The following ZFHX3 variants were observed in gnomAD, a reference collection of about 807,000 sequenced individuals.
The protein encoded by ZFHX3 is zinc finger homeobox protein 3.
A neutral mutation model predicts 279.1 loss-of-function variants in ZFHX3; 42 were observed. That is an observed-to-expected ratio of 0.15 (90% confidence interval 0.12 to 0.19). The LOEUF is 0.19. Among genes scored for constraint, ZFHX3 ranks in the 10% least tolerant of loss-of-function variants. The probability of loss-of-function intolerance (pLI) is 1.00; values close to 1 mark genes in which losing one functional copy is unlikely to be tolerated. For synonymous variants in ZFHX3, 2,293 were observed against 1,957.8 expected, an observed-to-expected ratio of 1.17 and a Z score of -4.52; for missense variants, 4,981 against 4,754.0, an observed-to-expected ratio of 1.05 and a Z score of -1.40.
At chr16:73,097,028 C>G (rs1313914899) in intron 7 of ZFHX3, among the ~76,000 whole-genome samples, 1 of 151,916 alleles carries the variant, frequency 6.6e-6, no homozygotes, top group Non-Finnish European at 1.5e-5. Flanking sequence ...CTTCTCTTCT[C>G]TTTCTCTGTC....
At chr16:73,055,701 C>T (rs1965537922) in intron 1 of ZFHX3, among the ~76,000 whole-genome samples, 1 of 93,006 alleles carries the variant, frequency 1.1e-5, no homozygotes, top group Non-Finnish European at 3.2e-5. Flanking sequence ...CGCGCGCGCA[C>T]ACACACACAC....
chr16:73,873,515 G>A (rs981852224), intron 1 of ZFHX3, among the ~76,000 whole-genome samples: 1 of 152,086 alleles, frequency 6.6e-6, no homozygotes, highest in African/African-American at 2.4e-5. Context: ...CACACCAATG[G>A]CTCAGAAATG....
intron 3 of ZFHX3, among the ~76,000 whole-genome samples, chr16:72,940,816 G>C (rs1248289962): frequency 1.3e-5 from 2 of 152,228 alleles, no homozygotes; most frequent in Non-Finnish European, 2.9e-5. Flanking sequence ...ACTATCAGTA[G>C]ATAAACATTT....
chr16:73,089,910 G>A (rs1188041453), intron 8 of ZFHX3, among the ~76,000 whole-genome samples: 1 of 152,198 alleles, frequency 6.6e-6, no homozygotes, highest in Non-Finnish European at 1.5e-5. Context: ...TGGCCCCCAA[G>A]CTCATCTCCA....
chr16:73,670,133 C>G (rs949978154), intron 2 of ZFHX3, among the ~76,000 whole-genome samples: 32 of 152,328 alleles, frequency 2.1e-4, no homozygotes, highest in Admixed American at 2.0e-3. Context: ...CAGACCAACA[C>G]TGCACTGCTA....
intron 3 of ZFHX3, among the ~76,000 whole-genome samples, chr16:73,324,580 T>C (rs1357882840): frequency 2.0e-5 from 3 of 152,270 alleles, no homozygotes; most frequent in South Asian, 2.1e-4. Context: ...AATGCAATGA[T>C]GAAAGTGGGT....
chr16:73,347,606 C>T (rs1302652350), intron 3 of ZFHX3, among the ~76,000 whole-genome samples: 1 of 152,232 alleles, frequency 6.6e-6, no homozygotes, highest in Non-Finnish European at 1.5e-5. Flanking sequence ...TTGGAGCTAT[C>T]AGCTGTGTTT....
At chr16:73,584,465 T>A (rs1424356917) in intron 2 of ZFHX3, among the ~76,000 whole-genome samples, 1 of 152,038 alleles carries the variant, frequency 6.6e-6, no homozygotes, top group East Asian at 1.9e-4. Flanking sequence ...GCCCACAGAA[T>A]AAAATCAGCA....
At chr16:73,018,991 G>C (rs1445189662) in intron 1 of ZFHX3, among the ~76,000 whole-genome samples, 3 of 152,154 alleles carry the variant, frequency 2.0e-5, no homozygotes, top group Admixed American at 6.5e-5. Context: ...GAGCTCCGCT[G>C]TATCACACAC....
At chr16:73,858,556 T>C (rs1961800068) in intron 1 of ZFHX3, among the ~76,000 whole-genome samples, 2 of 152,238 alleles carry the variant, frequency 1.3e-5, no homozygotes, top group South Asian at 4.1e-4. Context: ...CATGAAATAT[T>C]GCCACACATT....
At chr16:73,821,671 G>C (rs540266096) in intron 1 of ZFHX3, among the ~76,000 whole-genome samples, 1 of 152,350 alleles carries the variant, frequency 6.6e-6, no homozygotes, top group East Asian at 1.9e-4. Context: ...GAGGAAGCTA[G>C]ATTGTGAAGT....
At chr16:73,118,849 C>A (rs1373096183) in intron 7 of ZFHX3, among the ~76,000 whole-genome samples, 1 of 152,178 alleles carries the variant, frequency 6.6e-6, no homozygotes, top group African/African-American at 2.4e-5. Flanking sequence ...TGCTACCCAG[C>A]ACCCATGTAA....
chr16:73,806,825 T>C (rs1033707396), intron 1 of ZFHX3, among the ~76,000 whole-genome samples: 4 of 152,200 alleles, frequency 2.6e-5, no homozygotes, highest in Admixed American at 2.6e-4. Flanking sequence ...CCAAGCCCTC[T>C]CCAGCTTTGG....
At chr16:73,736,139 A>G (rs1282338200) in intron 1 of ZFHX3, among the ~76,000 whole-genome samples, 1 of 152,184 alleles carries the variant, frequency 6.6e-6, no homozygotes, top group Non-Finnish European at 1.5e-5. Context: ...TTGAGGTCAG[A>G]AATGGTCAGA....
intron 2 of ZFHX3, among the ~76,000 whole-genome samples, chr16:73,590,048 T>C (rs1167675241): frequency 1.3e-5 from 2 of 152,154 alleles, no homozygotes; most frequent in Non-Finnish European, 2.9e-5. Flanking sequence ...GCTGAGACTT[T>C]TGTACACATA....
Position 72,794,759 on chromosome 16 carries a change from G to A in ZFHX3, c.7923C>T (p.Asp2641=), listed in dbSNP as rs148910628. The A allele has an allele frequency of 4.3e-6, 7 of 1,614,222 alleles. No homozygotes were observed. The highest frequency in any genetic ancestry group is 5.9e-6 in the Non-Finnish European group (7 of 1,180,052). The change falls in exon 9 of 10, where the codon GAC becomes GAT. Residue 2641 remains aspartate (D), a synonymous_variant. Coordinates refer to ENST00000268489, the MANE Select transcript of ZFHX3 (RefSeq NM_006885.4). The surrounding 1 kb of genome is among the most constrained non-coding windows in gnomAD (Gnocchi z 4.2). ...GTGTGATGGTTGTTCTCAAACGCTT[G>A]TCTCTCTGAGGCTCTTCTCCTCCTG... is the stretch of plus-strand genomic sequence containing the variant. ...SGTGGEEPQR[D]KRLRTTITPE...
At chr16:73,397,685 G>A (rs1027504656) in intron 3 of ZFHX3, among the ~76,000 whole-genome samples, 3 of 152,076 alleles carry the variant, frequency 2.0e-5, no homozygotes, top group South Asian at 2.1e-4. Flanking sequence ...TCAGGGATGC[G>A]TTTGGAGAGA....
At position 73,265,447 on chromosome 16, in the gene ZFHX3, A is replaced by G. The variant is rs566283840; in HGVS notation, c.-1193-8311T>C. Among the ~76,000 whole-genome samples, 47 of 152,010 alleles carry G rather than the reference A, an allele frequency of 3.1e-4. 1 individual carries two copies. The highest frequency in any genetic ancestry group is 3.0e-3 in the Admixed American group (45 of 15,250). On this transcript the variant is annotated intron_variant, in intron 4 of 17. Transcript: ENST00000641206. ...TGGATACAGTTCTCAGAATTCCATC[A>G]CCCTTGAACTCTGAAATGGTGGGGG...
At chr16:73,771,462 C>T (rs1015985967) in intron 1 of ZFHX3, among the ~76,000 whole-genome samples, 4 of 152,182 alleles carry the variant, frequency 2.6e-5, no homozygotes, top group African/African-American at 9.7e-5. Context: ...AAACTCAGTG[C>T]CTATGTAAAG....
Sources: allele counts gnomAD v4.1 joint callset (sites outside exome capture counted in the v4.1 genomes callset), GRCh38; gene constraint gnomAD v4.1.1; non-coding constraint Gnocchi (gnomAD v3.1); transcripts MANE v1.5; gene names NCBI Gene and HGNC (gene_info 2026-07-23, HGNC 2026-07-21).